Variants in CHODL observed in about 807,000 individuals in gnomAD.
The protein encoded by CHODL is transmembrane protein MT75.
In CHODL, 29 loss-of-function variants were observed where a neutral mutation model predicts 34.5. That is an observed-to-expected ratio of 0.84 (90% CI 0.63 to 1.15). The LOEUF is 1.15. Ranked by LOEUF, CHODL falls within the 50% of genes most tolerant of loss-of-function variation. The probability of loss-of-function intolerance (pLI) is 0.00; values close to 1 mark genes in which losing one functional copy is unlikely to be tolerated. For synonymous variants in CHODL, 125 were observed against 116.1 expected (o/e 1.08, Z -0.49); for missense variants, 332 against 332.5 (o/e 1.00, Z 0.01).
intron 2 of CHODL, among the ~76,000 whole-genome samples, chr21:18,110,985 G>A (rs2065343942): frequency 6.6e-6 from 1 of 152,132 alleles, no homozygotes; most frequent in African/African-American, 2.4e-5. Flanking sequence ...CTCCAGACAT[G>A]TGAAAGAAAG....
intron 1 of CHODL, among the ~76,000 whole-genome samples, chr21:18,004,274 A>T (rs1030463862): frequency 6.6e-6 from 1 of 152,250 alleles, no homozygotes; most frequent in Non-Finnish European, 1.5e-5. Context: ...CTCTGTTGCG[A>T]TCAAGAATAA....
upstream of CHODL, among the ~76,000 whole-genome samples, chr21:18,241,292 A>G (rs2074079905): frequency 6.6e-6 from 1 of 152,096 alleles, no homozygotes; most frequent in South Asian, 2.1e-4. Flanking sequence ...GTGGTTATAT[A>G]GTAATGATTT....
intron 2 of CHODL, among the ~76,000 whole-genome samples, chr21:18,216,354 A>G (rs1182023631): frequency 6.6e-6 from 1 of 152,196 alleles, no homozygotes; most frequent in Non-Finnish European, 1.5e-5. Flanking sequence ...TCCTCGCATT[A>G]TGCTATAAAC....
chr21:18,156,929 T>C (rs2073041773), intron 2 of CHODL, among the ~76,000 whole-genome samples: 1 of 152,196 alleles, frequency 6.6e-6, no homozygotes, highest in South Asian at 2.1e-4. Context: ...AGACCCAGAG[T>C]CTAGGAGTGA....
At chr21:18,083,953 A>G (rs2064972660) in intron 2 of CHODL, among the ~76,000 whole-genome samples, 1 of 152,172 alleles carries the variant, frequency 6.6e-6, no homozygotes, top group Non-Finnish European at 1.5e-5. Flanking sequence ...TGCATTTTGA[A>G]ATGTGAGAAG....
rs869044440 is a variant in CHODL, at chr21:17,992,718, G to GTTTTTTTT, written c.-144-35136_-144-35129dup. Among the ~76,000 whole-genome samples the GTTTTTTTT allele has an allele frequency of 6.5e-4, 37 of 57,196 alleles. 1 individual carries two copies. Among genetic ancestry groups the GTTTTTTTT allele is most frequent in the Admixed American group, 1.0e-3 (4 of 4,012 alleles). 37.5% of individuals were successfully genotyped at this position (57,196 alleles called of 152,430 possible). On this transcript the variant is annotated intron_variant, in intron 1 of 6. Coordinates refer to the CHODL transcript ENST00000400127. ...AGTTCTCAGAGTTTCTGGTGGAGTT[G>GTTTTTTTT]TTTTTTTTTTTTTTTTTTTTTTTTT... is the stretch of plus-strand genomic sequence containing the variant.
chr21:18,162,992 T>C (rs1248041816), intron 2 of CHODL, among the ~76,000 whole-genome samples: 1 of 152,224 alleles, frequency 6.6e-6, no homozygotes, highest in Non-Finnish European at 1.5e-5. Flanking sequence ...GTTTATGCCA[T>C]ATATATCTAT....
intron 2 of CHODL, among the ~76,000 whole-genome samples, chr21:18,113,749 A>T (rs2146565699): frequency 6.6e-6 from 1 of 152,180 alleles, no homozygotes; most frequent in East Asian, 1.9e-4. Context: ...GGGGACACAA[A>T]TCCAAGCTAT....
At chr21:18,165,454 A>G (rs2073140908) in intron 2 of CHODL, among the ~76,000 whole-genome samples, 1 of 152,204 alleles carries the variant, frequency 6.6e-6, no homozygotes, top group Non-Finnish European at 1.5e-5. Context: ...AAACTCAGAC[A>G]TATGGTTTGA....
At position 17,972,969 on chromosome 21, in the gene CHODL, G is replaced by A. The variant is rs576625271; in HGVS notation, c.-144-54903G>A. ...ATATAGATCAATGAAACAAAACAGA[G>A]GCCCCAGAAATAACACCACATATCT... On this transcript the variant is annotated intron_variant, in intron 1 of 6. Transcript: ENST00000400127. Among the ~76,000 whole-genome samples, 18 of 152,198 alleles carry A rather than the reference G, an allele frequency of 1.2e-4. No homozygotes were observed. The South Asian group carries it at 3.5e-3, about 30-fold the overall frequency.
At chr21:18,081,507 C>A (rs746496246) in intron 2 of CHODL, among the ~76,000 whole-genome samples, 5 of 151,744 alleles carry the variant, frequency 3.3e-5, no homozygotes, top group Non-Finnish European at 7.4e-5. Context: ...ATGGTAAAAC[C>A]CTGTCTCAAC....
intron 2 of CHODL, among the ~76,000 whole-genome samples, chr21:18,196,684 A>G (rs1230236374): frequency 2.0e-5 from 3 of 152,218 alleles, no homozygotes; most frequent in Admixed American, 2.0e-4. Flanking sequence ...TCTTCTGAAC[A>G]TCTTTCCATT....
Position 18,265,978 on chromosome 21 carries a change from A to C in CHODL, c.762A>C (p.Pro254=), listed in dbSNP as rs747618930. 5 of 1,613,308 alleles carry C rather than the reference A, an allele frequency of 3.1e-6. No homozygotes were observed. In the Admixed American group the frequency reaches 8.3e-5, roughly 27 times the overall value. ...HKSKGRTKTS[P]NQSTLWISKS... is the part of the protein sequence containing the mutation. ...GTAAAGGAAGAACAAAAACTAGTCCAAACCAGTCTACACTGTGGATTTCAA... is the reference window on the plus strand; with the variant it reads ...GTAAAGGAAGAACAAAAACTAGTCCCAACCAGTCTACACTGTGGATTTCAA... The change falls in exon 6 of 6, where the codon CCA becomes CCC. Residue 254 remains proline, a synonymous_variant. Coordinates refer to ENST00000299295, the MANE Select transcript of CHODL (RefSeq NM_024944.3).
intron 1 of CHODL, among the ~76,000 whole-genome samples, chr21:17,944,485 G>T (rs753797141): frequency 2.0e-5 from 3 of 152,154 alleles, no homozygotes; most frequent in Non-Finnish European, 4.4e-5. Flanking sequence ...GCTCCACCCA[G>T]ACAGCGGGAC....
intron 2 of CHODL, among the ~76,000 whole-genome samples, chr21:18,081,059 G>C (rs1191927646): frequency 6.6e-6 from 1 of 152,036 alleles, no homozygotes; most frequent in Non-Finnish European, 1.5e-5. Flanking sequence ...TACCTCCTTT[G>C]TTAAATATAT....
At chr21:18,035,230 A>G (rs1443326930) in intron 2 of CHODL, among the ~76,000 whole-genome samples, 2 of 151,958 alleles carry the variant, frequency 1.3e-5, no homozygotes, top group Non-Finnish European at 2.9e-5. Context: ...TCATTTTGAA[A>G]GATAATTTGG....
intron 1 of CHODL, among the ~76,000 whole-genome samples, chr21:18,002,120 C>T (rs866635152): frequency 6.6e-6 from 1 of 152,126 alleles, no homozygotes; most frequent in South Asian, 2.1e-4. Flanking sequence ...ACTTTAAAAA[C>T]TTCCTTTGGG....
intron 1 of CHODL, among the ~76,000 whole-genome samples, chr21:17,999,015 T>A (rs2146397348): frequency 6.6e-6 from 1 of 152,342 alleles, no homozygotes; most frequent in Admixed American, 6.5e-5. Context: ...TTTCTGAACC[T>A]TTATGCTGTT....
chr21:18,101,663 T>C (rs1473991992), intron 2 of CHODL, among the ~76,000 whole-genome samples: 1 of 152,122 alleles, frequency 6.6e-6, no homozygotes, highest in Non-Finnish European at 1.5e-5. Context: ...AAGGTAAGTG[T>C]TGAAGCCAGT....
Sources: allele counts gnomAD v4.1 joint callset (sites outside exome capture counted in the v4.1 genomes callset), GRCh38; gene constraint gnomAD v4.1.1; transcripts MANE v1.5; gene names NCBI Gene and HGNC (gene_info 2026-07-23, HGNC 2026-07-21).